Variants in UBA1 observed in about 807,000 individuals in gnomAD.
UBA1 encodes the protein ubiquitin like modifier activating enzyme 1, also known as ubiquitin-like modifier-activating enzyme 1.
Under a neutral mutation model 84.7 loss-of-function variants are expected in UBA1, and 4 were observed. That is an observed-to-expected ratio of 0.05 (90% CI 0.02 to 0.11). The LOEUF (loss-of-function observed/expected upper bound fraction) is 0.11, where lower values mean the gene tolerates loss of function less well. UBA1 is among the 10% of genes least tolerant of loss of function. The pLI is 1.00. For missense variants in UBA1, 513 were observed against 902.8 expected, an observed-to-expected ratio of 0.57 and a Z score of 5.53; for synonymous variants, 364 against 362.6, an observed-to-expected ratio of 1.00 and a Z score of -0.04.
At chrX:47,195,967 T>C (rs985050103) in intron 1 of UBA1, among the ~76,000 whole-genome samples, 19 of 110,570 alleles carry the variant, frequency 1.7e-4, no homozygotes, top group African/African-American at 6.3e-4. Context: ...CTCAACATCC[T>C]CCTGATGGAG....
chrX:47,208,779 G>A (rs782584890), intron 16 of UBA1: 2 of 109,539 alleles, frequency 1.8e-5, no homozygotes, highest in African/African-American at 3.3e-5. Context: ...GAGCCACCTC[G>A]CCTGGCACTC....
At chrX:47,201,698 C>A in intron 8 of UBA1, 88 bp downstream of exon 8, 1 of 1,085,054 alleles carries the variant, frequency 9.2e-7, no homozygotes, top group Non-Finnish European at 1.3e-6. Context: ...AAGACATGGC[C>A]CTTGGTTCAG....
In UBA1 at chrX:47,212,474, C is replaced by A; in HGVS notation, c.2515C>A (p.Leu839Ile). The A allele has an allele frequency of 8.3e-7, 1 of 1,211,037 alleles. No homozygotes were observed. Among genetic ancestry groups the A allele is most frequent in the Non-Finnish European group, 1.1e-6 (1 of 894,952 alleles). ...LKATLPSPDKLPGFKMYPIDF... is the reference protein window; with the variant it reads ...LKATLPSPDKIPGFKMYPIDF... ...AGCCACTCTGCCCAGCCCAGACAAGCTCCCTGGATTCAAGATGTACCCCAT... is the reference window on the plus strand; with the variant it reads ...AGCCACTCTGCCCAGCCCAGACAAGATCCCTGGATTCAAGATGTACCCCAT... The change falls in exon 21 of 26, where the codon CTC becomes ATC. Residue 839 changes from leucine (L) to isoleucine (I), a missense_variant. Physicochemically the swap from Leu to Ile is conservative, Grantham distance 5. Around this residue, in one of 6 missense-constraint regions of UBA1, gnomAD observed 151 missense variants for 260.1 expected, o/e 0.58. Coordinates refer to ENST00000335972, the MANE Select transcript of UBA1 (RefSeq NM_003334.4).
intron 21 of UBA1, 65 bp downstream of exon 21, chrX:47,212,577 G>GC (rs1156439449): frequency 9.7e-7 from 1 of 1,025,722 alleles, no homozygotes; most frequent in African/African-American, 1.9e-5. Flanking sequence ...GGAGAAAACA[G>GC]GAGTATCTGG....
chrX:47,211,556 C>T (rs5953012), intron 20 of UBA1, among the ~76,000 whole-genome samples: 33,603 of 109,894 alleles, frequency 0.31, 3,967 homozygotes, highest in South Asian at 0.59. Context: ...AGTCTCTCTC[C>T]CTTGATACTT....
chrX:47,199,190 G>A lies in UBA1; in HGVS notation c.177-19G>A. On this transcript the variant is annotated intron_variant, in intron 3 of 25. Coordinates refer to ENST00000335972, the MANE Select transcript of UBA1 (RefSeq NM_003334.4). ...TGGGTGGGGCAGGCCCTGACCTAGA[G>A]TACCCCCTAACCTGGCAGGTATGTG... 3.3e-6 allele frequency: 4 copies of A among 1,212,263 alleles called. No homozygotes were observed. Among genetic ancestry groups the A allele is most frequent in the Non-Finnish European group, 4.5e-6 (4 of 895,593 alleles).
At chrX:47,199,729 C>G (rs1936334320) in intron 5 of UBA1, 115 bp downstream of exon 5, 1 of 919,682 alleles carries the variant, frequency 1.1e-6, no homozygotes, top group African/African-American at 2.0e-5. Context: ...AGGTTTTGTG[C>G]TGGGGGACTA....
intron 15 of UBA1, 47 bp from the exon 16 acceptor site, chrX:47,206,201 C>G (rs1157298095): frequency 1.7e-6 from 2 of 1,181,841 alleles, no homozygotes. Flanking sequence ...GTCTTTCTGT[C>G]CTCTCCTGAT....
chrX:47,198,972 T>C (rs879961166), intron 2 of UBA1, 53 bp downstream of exon 2: 3 of 1,203,631 alleles, frequency 2.5e-6, no homozygotes, highest in Admixed American at 4.4e-5. Context: ...TGGGAAAGTC[T>C]TTTGTATCAC....
At chrX:47,204,139 GTTTTTTTTTTTTT>G (rs55829376) in intron 14 of UBA1, among the ~76,000 whole-genome samples, 4 of 16,881 alleles carry the variant, frequency 2.4e-4, no homozygotes, top group East Asian at 2.1e-3. Context: ...CTCAGCTTCT[GTTTTTTTTTTTTT>G]TTTTTTTTTT....
rs989208948 is a variant in UBA1, at chrX:47,212,618, T to C, written c.2553+106T>C. 22 of 875,568 alleles carry C rather than the reference T, an allele frequency of 2.5e-5. No homozygotes were observed. In the East Asian group the frequency reaches 5.0e-4, roughly 20 times the overall value. 72.2% of individuals were successfully genotyped at this position (875,568 alleles called of 1,213,427 possible). A position where few individuals can be genotyped will look rare whatever the true frequency, so the allele number is the denominator to read the frequency against. On this transcript the variant is annotated intron_variant, in intron 21 of 25. Coordinates refer to ENST00000335972, the MANE Select transcript of UBA1 (RefSeq NM_003334.4). Reference sequence around the variant, plus strand: ...GCCCCGGGCCTTTGTGGGGATCAGATTGTGGGCCTGCCATATGGCTCTGAA... The same window carrying C: ...GCCCCGGGCCTTTGTGGGGATCAGACTGTGGGCCTGCCATATGGCTCTGAA...
In UBA1 at chrX:47,200,987, C is replaced by A. The variant is rs185589110; in HGVS notation, c.574C>A (p.Arg192=). 1.3e-5 allele frequency: 16 copies of A among 1,197,475 alleles called. No individual in the cohort carries two copies. The African/African-American group carries it at 2.5e-4, about 18-fold the overall frequency. The change falls in exon 6 of 26, where the codon CGG becomes AGG. Residue 192 remains arginine, a synonymous_variant. Transcript: ENST00000335972. ...CATCAAGCTGGTGGTGGCAGACACG[C>A]GGGGCCTGTTTGGGTGAGTGGCAGC... ...RGIKLVVADT[R]GLFGQLFCDF... is the part of the protein sequence containing the mutation.
intron 5 of UBA1, 36 bp downstream of exon 5, chrX:47,199,650 T>A: frequency 3.3e-6 from 4 of 1,204,474 alleles, no homozygotes; most frequent in Non-Finnish European, 4.5e-6. Context: ...TCTGCCCAGT[T>A]TTCTCAGAGC....
chrX:47,212,881 CTG>C lies in UBA1; in HGVS notation c.2646+19_2646+20del, dbSNP rs1220627291. 3 of 1,208,979 alleles carry C rather than the reference CTG, an allele frequency of 2.5e-6. No individual in the cohort carries two copies. The highest frequency in any genetic ancestry group is 3.4e-6 in the Non-Finnish European group (3 of 893,095). ...GGCACAAGGTGAGGGGAATCTAAAT[CTG>C]ATGTTCCACCCTCCTCCAGGTTTGA... On this transcript the variant is annotated intron_variant, in intron 22 of 25. Coordinates refer to ENST00000335972, the MANE Select transcript of UBA1 (RefSeq NM_003334.4).
intron 5 of UBA1, 43 bp from the exon 6 acceptor site, chrX:47,200,851 C>T (rs1936383988): frequency 5.6e-6 from 6 of 1,079,832 alleles, no homozygotes; most frequent in South Asian, 2.0e-5. Flanking sequence ...CCATTTTTTC[C>T]CCTTCACCCC....
intron 5 of UBA1, among the ~76,000 whole-genome samples, chrX:47,200,614 T>TGGCA (rs1936368111): frequency 8.9e-6 from 1 of 112,203 alleles, no homozygotes; most frequent in Admixed American, 9.4e-5. Flanking sequence ...TCACAGGGCA[T>TGGCA]GGCAGACAGA....
At chrX:47,210,962 T>C (rs1556793187) in intron 19 of UBA1, 46 bp downstream of exon 19, 1 of 1,207,447 alleles carries the variant, frequency 8.3e-7, no homozygotes, top group Admixed American at 2.2e-5. Context: ...GGAGGGTGAA[T>C]AGGTGGGAAG....
upstream of UBA1, among the ~76,000 whole-genome samples, chrX:47,193,081 T>G (rs1000732044): frequency 1.8e-5 from 2 of 111,231 alleles, no homozygotes; most frequent in Non-Finnish European, 3.8e-5. Flanking sequence ...TGCAGTGACA[T>G]CTTTCATTAT....
rs1797190562 is a variant in UBA1, at chrX:47,199,592, A to G, written c.458A>G (p.Glu153Gly). The change falls in exon 5 of 26, where the codon GAG becomes GGG. Residue 153 changes from glutamate (E) to glycine (G), a missense_variant. Glu to Gly is a moderately conservative substitution (Grantham distance 98). Transcript: ENST00000335972. ...ACTGCCTACACTGGACCCCTCGTTG[A>G]GGACTTCCTTAGTGGTTTCCAGGTA... ...PVTAYTGPLV[E>G]DFLSGFQVVV... The G allele has an allele frequency of 2.5e-6, 3 of 1,211,481 alleles. No homozygotes were observed. Among genetic ancestry groups the G allele is most frequent in the Non-Finnish European group, 3.4e-6 (3 of 895,361 alleles).
Sources: gnomAD v4.1 joint callset for allele counts (sites outside exome capture counted in the v4.1 genomes callset) on GRCh38, gnomAD v4.1.1 for gene constraint, gnomAD v4.1.1 regional missense constraint, MANE v1.5 for transcripts, NCBI Gene and HGNC (gene_info 2026-07-23, HGNC 2026-07-21) for gene names.